HERC2: variants seen among roughly 807,000 people sequenced by gnomAD.
HERC2 encodes HECT and RLD domain containing E3 ubiquitin protein ligase 2.
Under a neutral mutation model 537.7 loss-of-function variants are expected in HERC2, and 102 were observed. The observed-to-expected ratio is 0.19, with a 90% CI of 0.16 to 0.22. HERC2 has a LOEUF of 0.22. HERC2 is among the 10% of genes least tolerant of loss of function. The pLI, the probability that HERC2 is intolerant of heterozygous loss-of-function variation, is 1.00. For synonymous variants in HERC2, 2,224 were observed against 2,466.2 expected (o/e 0.90, Z 2.91); for missense variants, 4,236 against 6,198.2 (o/e 0.68, Z 10.63).
intron 20 of HERC2, among the ~76,000 whole-genome samples, chr15:28,253,655 T>C (rs2075156442): frequency 6.6e-6 from 1 of 152,226 alleles, no homozygotes; most frequent in African/African-American, 2.4e-5. Context: ...TGAAAACCAA[T>C]AATCACCTAC....
In HERC2 at chr15:28,111,862, T is replaced by C. The variant is rs754755015; in HGVS notation, c.14406A>G (p.Thr4802=). ...DTDDYARIAL[T]GEPAADDSSD... Reference sequence around the variant, plus strand: ...TGCTGTCGTCGGCGGCTGGCTCTCCTGTAAGTGCGATGCGAGCGTAGTCAT... The same window carrying C: ...TGCTGTCGTCGGCGGCTGGCTCTCCCGTAAGTGCGATGCGAGCGTAGTCAT... Residue 4802 remains threonine, a synonymous_variant, in exon 93 of 93, where the codon ACA becomes ACG. Transcript: ENST00000261609. 2.5e-6 allele frequency: 4 copies of C among 1,614,076 alleles called. No individual in the cohort carries two copies. Among genetic ancestry groups the C allele is most frequent in the Middle Eastern group, 1.6e-4 (1 of 6,084 alleles).
chr15:28,142,519 G>A (rs1291386045), intron 75 of HERC2, 126 bp from the exon 76 acceptor site: 17 of 955,160 alleles, frequency 1.8e-5, no homozygotes, highest in African/African-American at 8.3e-5. Flanking sequence ...GCAAGGATAC[G>A]GCCACCATCA....
chr15:28,177,178 G>C lies in HERC2; in HGVS notation c.9255-51C>G. 6.5e-7 allele frequency: 1 copy of C among 1,546,606 alleles called. No homozygotes were observed. Among genetic ancestry groups the C allele is most frequent in the Non-Finnish European group, 8.8e-7 (1 of 1,139,656 alleles). ...TACAGTCAATCTGTCCCTTCTTAGA[G>C]ATGAAGGAAAAAAGACATCTATACT... is the stretch of plus-strand genomic sequence containing the variant. On this transcript the variant is annotated intron_variant, in intron 60 of 92. Coordinates refer to ENST00000261609, the MANE Select transcript of HERC2 (RefSeq NM_004667.6). The surrounding 1 kb of genome is among the most constrained non-coding windows in gnomAD (Gnocchi z 5.0).
At position 28,179,136 on chromosome 15, in the gene HERC2, T is replaced by C. The variant is rs762830604; in HGVS notation, c.9019+6A>G. 2.1e-5 allele frequency: 34 copies of C among 1,610,086 alleles called. No homozygotes were observed. Among genetic ancestry groups the C allele is most frequent in the South Asian group, 1.1e-5 (1 of 90,026 alleles). The stretch of plus-strand genomic sequence containing the variant: ...TAAAAATTTTTTAAGATTAGAATAA[T>C]CATACCTGCAAACAAACTTTTAGAT... On this transcript the variant is annotated splice_donor_region_variant and intron_variant, in intron 58 of 92. Coordinates refer to ENST00000261609, the MANE Select transcript of HERC2 (RefSeq NM_004667.6).
intron 20 of HERC2, among the ~76,000 whole-genome samples, chr15:28,253,651 C>T (rs2075156184): frequency 1.3e-5 from 2 of 152,204 alleles, no homozygotes; most frequent in South Asian, 4.1e-4. Flanking sequence ...AATATGAAAA[C>T]CAATAATCAC....
chr15:28,143,745 C>T, intron 74 of HERC2, 128 bp downstream of exon 74: 3 of 1,249,168 alleles, frequency 2.4e-6, no homozygotes, highest in Non-Finnish European at 2.3e-6. Flanking sequence ...CGCGCCCGGT[C>T]CAAGGCCTCC....
chr15:28,208,193 A>T (rs1898695660), intron 44 of HERC2, among the ~76,000 whole-genome samples: 1 of 152,154 alleles, frequency 6.6e-6, no homozygotes, highest in South Asian at 2.1e-4. Context: ...TTAATTTCAT[A>T]ACATCCTCTC....
At position 28,263,114 on chromosome 15, in the gene HERC2, A is replaced by C; in HGVS notation, c.1926T>G (p.Ser642Arg). The C allele has an allele frequency of 6.2e-7, 1 of 1,614,172 alleles. No individual in the cohort carries two copies. Among genetic ancestry groups the C allele is most frequent in the South Asian group, 1.1e-5 (1 of 91,084 alleles). ...TCAGCTTTGGGGTTTTGCAGCCATCACTACCACCTCTGCCCAATTTCCCAT... is the reference window on the plus strand; with the variant it reads ...TCAGCTTTGGGGTTTTGCAGCCATCCCTACCACCTCTGCCCAATTTCCCAT... ...GDYGKLGRGG[S>R]DGCKTPKLIE... The change falls in exon 15 of 93, where the codon AGT (serine) becomes AGG (arginine). Residue 642 changes from serine (S) to arginine (R), a missense_variant. Around this residue, in one of 27 missense-constraint regions of HERC2, gnomAD observed 754 missense variants for 1,085.0 expected, o/e 0.69. Coordinates refer to ENST00000261609, the MANE Select transcript of HERC2 (RefSeq NM_004667.6).
intron 64 of HERC2, among the ~76,000 whole-genome samples, chr15:28,175,000 T>G (rs981146836): frequency 6.6e-6 from 1 of 152,122 alleles, no homozygotes; most frequent in African/African-American, 2.4e-5. Flanking sequence ...TTCTTGGCCT[T>G]ATAGAATTAT....
chr15:28,131,384 G>GA (rs1291107934), intron 81 of HERC2, among the ~76,000 whole-genome samples: 1 of 152,140 alleles, frequency 6.6e-6, no homozygotes, highest in Non-Finnish European at 1.5e-5. Flanking sequence ...AGCCCCACGA[G>GA]AGAGGAGGCC....
chr15:28,257,869 A>G (rs2075308575), intron 16 of HERC2, among the ~76,000 whole-genome samples: 1 of 151,320 alleles, frequency 6.6e-6, no homozygotes, highest in Non-Finnish European at 1.5e-5. Context: ...TATTTTCAGT[A>G]GAGACAGGGT....
intron 4 of HERC2, among the ~76,000 whole-genome samples, chr15:28,280,652 C>T (rs748796424): frequency 2.4e-4 from 37 of 152,232 alleles, no homozygotes; most frequent in South Asian, 1.5e-3. Context: ...CACCTGGAAT[C>T]CCAGCACTTT....
chr15:28,144,484 G>A (rs978009153), intron 72 of HERC2, among the ~76,000 whole-genome samples, 189 bp downstream of exon 72: 1 of 152,196 alleles, frequency 6.6e-6, no homozygotes, highest in Non-Finnish European at 1.5e-5. Context: ...GTGTGAGCCT[G>A]ACAGCTGGAT....
Position 28,113,108 on chromosome 15 carries a change from G to C in HERC2, c.14195C>G (p.Thr4732Ser). 1 of 1,613,806 alleles carries C rather than the reference G, an allele frequency of 6.2e-7. No homozygotes were observed. The highest frequency in any genetic ancestry group is 8.5e-7 in the Non-Finnish European group (1 of 1,180,042). The change falls in exon 92 of 93, where the codon ACC becomes AGC. Residue 4732 changes from threonine to serine, a missense_variant. By Grantham distance (58) the Thr-to-Ser change is moderately conservative. Transcript: ENST00000261609. The surrounding 1 kb of genome is among the most constrained non-coding windows in gnomAD (Gnocchi z 7.0). ...GTCTCGGCCCCGGAAGTCGGCGATG[G>C]TCCTGGGCAGCCTCGTCCGGCCCCA... ...FVWGRTRLPRTIADFRGRDFV... is the reference protein window; with the variant it reads ...FVWGRTRLPRSIADFRGRDFV...
chr15:28,119,523 G>A (rs1284342536), intron 86 of HERC2, among the ~76,000 whole-genome samples: 1 of 149,126 alleles, frequency 6.7e-6, no homozygotes, highest in Non-Finnish European at 1.5e-5. Context: ...GTATGATCTC[G>A]GCTCACTACA....
At chr15:28,296,103 A>T (rs1335393913) in intron 3 of HERC2, among the ~76,000 whole-genome samples, 1 of 152,128 alleles carries the variant, frequency 6.6e-6, no homozygotes, top group African/African-American at 2.4e-5. Context: ...AACACCCCGA[A>T]TCAGTTGGGA....
intron 68 of HERC2, among the ~76,000 whole-genome samples, chr15:28,166,823 TG>T (rs1031834635): frequency 6.6e-6 from 1 of 151,968 alleles, no homozygotes; most frequent in Non-Finnish European, 1.5e-5. Context: ...GACCAGTCCA[TG>T]GGAGTCCCAA....
chr15:28,156,194 C>G (rs28784029), intron 69 of HERC2, among the ~76,000 whole-genome samples: 1 of 152,018 alleles, frequency 6.6e-6, no homozygotes, highest in Non-Finnish European at 1.5e-5. Flanking sequence ...GGTCAGGTAG[C>G]GTGATGCCTC....
Position 28,182,525 on chromosome 15 carries a change from A to C in HERC2, c.8826-13T>G. 1 of 1,334,482 alleles carries C rather than the reference A, an allele frequency of 7.5e-7. No homozygotes were observed. Among genetic ancestry groups the C allele is most frequent in the South Asian group, 1.4e-5 (1 of 73,456 alleles). 82.7% of individuals were successfully genotyped at this position (1,334,482 alleles called of 1,614,324 possible). ...CTTTCTAATGAGGCTAACCAAACGGAAAAAAAAAAGAAAAAGAAAAGAGAG... is the reference window on the plus strand; with the variant it reads ...CTTTCTAATGAGGCTAACCAAACGGCAAAAAAAAAGAAAAAGAAAAGAGAG... On this transcript the variant is annotated splice_polypyrimidine_tract_variant and intron_variant, in intron 56 of 92. Transcript: ENST00000261609.
Sources: allele counts gnomAD v4.1 joint callset (sites outside exome capture counted in the v4.1 genomes callset), GRCh38; gene constraint gnomAD v4.1.1; regional missense constraint gnomAD v4.1.1; non-coding constraint Gnocchi (gnomAD v3.1); transcripts MANE v1.5; gene names NCBI Gene and HGNC (gene_info 2026-07-23, HGNC 2026-07-21).